TET2: variants seen among roughly 807,000 people sequenced by gnomAD.
TET2 encodes the protein methylcytosine dioxygenase TET2.
TET2 carries 299 observed loss-of-function variants against 142.9 expected under a neutral mutation model. The ratio of observed to expected loss-of-function variants is 2.09; its 90% confidence interval spans 1.90 to 2.30. TET2 has a LOEUF of 2.30. TET2 is among the 30% of genes most tolerant of loss of function. TET2 has a pLI of 0.00. For missense variants in TET2, 2,418 were observed against 2,378.0 expected, an observed-to-expected ratio of 1.02 and a Z score of -0.35; for synonymous variants, 819 against 849.0, an observed-to-expected ratio of 0.96 and a Z score of 0.61.
In TET2 at chr4:105,269,713, G is replaced by A. The variant is rs1357011805; in HGVS notation, c.4148G>A (p.Arg1383Lys). Residue 1383 changes from arginine to lysine, a missense_variant, in exon 9 of 11, where the codon AGA becomes AAA. Physicochemically the swap from Arg to Lys is conservative, Grantham distance 26. Transcript: ENST00000380013. ...ACLDFCAHAH[R>K]DLHNMQNGST... Reference sequence around the variant, plus strand: ...TTGGACTTCTGTGCTCATGCCCACAGAGACTTGCACAACATGCAGAATGGC... The same window carrying A: ...TTGGACTTCTGTGCTCATGCCCACAAAGACTTGCACAACATGCAGAATGGC... The A allele has an allele frequency of 6.4e-7, 1 of 1,551,562 alleles. No individual in the cohort carries two copies. The highest frequency in any genetic ancestry group is 8.7e-7 in the Non-Finnish European group (1 of 1,146,956).
At chr4:105,266,108 T>C (rs1259197153) in intron 8 of TET2, among the ~76,000 whole-genome samples, 1 of 152,016 alleles carries the variant, frequency 6.6e-6, no homozygotes, top group Non-Finnish European at 1.5e-5. Context: ...CAAGGCTAGG[T>C]AGGGAAAGAA....
intron 2 of TET2, among the ~76,000 whole-genome samples, chr4:105,221,170 A>C (rs1232059835): frequency 6.6e-6 from 1 of 152,120 alleles, no homozygotes; most frequent in Non-Finnish European, 1.5e-5. Context: ...CCTTCAGTAC[A>C]CACTAGTTTG....
intron 1 of TET2, chr4:105,178,029 A>T (rs1724901132): frequency 6.6e-6 from 1 of 152,264 alleles, no homozygotes; most frequent in Non-Finnish European, 1.5e-5. Context: ...CGGAGGTTGC[A>T]GTGAGCTGAG....
chr4:105,242,333 G>C, intron 4 of TET2: 1 of 1,077,942 alleles, frequency 9.3e-7, no homozygotes, highest in Non-Finnish European at 1.1e-6. Context: ...CATAAGGGAA[G>C]ATATAGTCTA....
chr4:105,252,393 T>C (rs1482258735), intron 6 of TET2, among the ~76,000 whole-genome samples: 1 of 152,232 alleles, frequency 6.6e-6, no homozygotes, highest in Non-Finnish European at 1.5e-5. Context: ...TTGTCTGGTT[T>C]ATCACAGTTG....
chr4:105,151,194 TC>T (rs1379292092), intron 1 of TET2, among the ~76,000 whole-genome samples: 35 of 151,968 alleles, frequency 2.3e-4, no homozygotes, highest in Non-Finnish European at 4.4e-5. Flanking sequence ...GGTGGTACAT[TC>T]CTGTAGTCCC....
chr4:105,236,819 G>GC lies in TET2; in HGVS notation c.2878dup (p.Gln960ProfsTer12). On this transcript the variant is annotated frameshift_variant, in exon 3 of 11. Coordinates refer to ENST00000380013, the MANE Select transcript of TET2 (RefSeq NM_001127208.3). LOFTEE classifies it high-confidence loss of function. ...CTCTAAGGTGGCATCTCTTACAGAA[G>GC]CAAGAACAGCAGCAAACACAGCAAC... The GC allele has an allele frequency of 6.2e-7, 1 of 1,614,106 alleles. No individual in the cohort carries two copies.
chr4:105,233,400 A>AAAAAAAAAAAAAC (rs1728625829), intron 2 of TET2, among the ~76,000 whole-genome samples: 1 of 150,534 alleles, frequency 6.6e-6, no homozygotes, highest in Non-Finnish European at 1.5e-5. Context: ...AAAAAAAAAA[A>AAAAAAAAAAAAAC]AGCTACTGCA....
intron 2 of TET2, among the ~76,000 whole-genome samples, chr4:105,204,427 A>T (rs1004150057): frequency 2.6e-5 from 4 of 152,188 alleles, no homozygotes; most frequent in Admixed American, 1.3e-4. Context: ...AATATTAGAC[A>T]TCATGTAATA....
At chr4:105,161,595 C>G (rs762210238) in intron 1 of TET2, among the ~76,000 whole-genome samples, 17 of 152,004 alleles carry the variant, frequency 1.1e-4, no homozygotes, top group Non-Finnish European at 1.8e-4. Flanking sequence ...TAATATTTTC[C>G]CTCTTTCTCG....
Position 105,208,900 on chromosome 4 carries a change from A to G in TET2, c.-47+18395A>G, listed in dbSNP as rs111930768. On this transcript the variant is annotated intron_variant, in intron 2 of 10. Transcript: ENST00000380013. ...AAACAATCTCAAATTCAAAGTGATAAGTGTTTTAGAGTGAAACAAGGATAA... is the reference window on the plus strand; with the variant it reads ...AAACAATCTCAAATTCAAAGTGATAGGTGTTTTAGAGTGAAACAAGGATAA... 1.2e-3 allele frequency among the ~76,000 whole-genome samples: 185 copies of G among 151,642 alleles called. 1 individual carries two copies. The highest frequency in any genetic ancestry group is 3.4e-3 in the Middle Eastern group (1 of 294).
intron 1 of TET2, among the ~76,000 whole-genome samples, chr4:105,182,042 T>G (rs1353020398): frequency 6.6e-6 from 1 of 152,198 alleles, no homozygotes; most frequent in African/African-American, 2.4e-5. Flanking sequence ...TATTGCATCT[T>G]TAAATTTTTA....
Position 105,269,599 on chromosome 4 carries a change from T to C in TET2, c.4045-11T>C. On this transcript the variant is annotated splice_polypyrimidine_tract_variant and intron_variant, in intron 8 of 10. Transcript: ENST00000380013. ...ACTACTTTCGCATTCACACACACTT[T>C]TATTTTTCAGATTGAATATGAACAC... is the stretch of plus-strand genomic sequence containing the variant. The C allele has an allele frequency of 6.4e-7, 1 of 1,551,352 alleles. No individual in the cohort carries two copies. The highest frequency in any genetic ancestry group is 8.7e-7 in the Non-Finnish European group (1 of 1,146,734).
In TET2 at chr4:105,275,391, A is replaced by G; in HGVS notation, c.4881A>G (p.Gln1627=). The G allele has an allele frequency of 6.4e-7, 1 of 1,551,638 alleles. No homozygotes were observed. The highest frequency in any genetic ancestry group is 8.7e-7 in the Non-Finnish European group (1 of 1,146,980). ...PYPGLLNQNT[Q]YPSYQCNGNL... is the part of the protein sequence containing the mutation. ...CTGGGCTTTTGAATCAGAATACCCA[A>G]TATCCATCATATCAATGCAATGGAA... is the stretch of plus-strand genomic sequence containing the variant. The change falls in exon 11 of 11, where the codon CAA becomes CAG. Residue 1627 remains glutamine, a synonymous_variant. Coordinates refer to ENST00000380013, the MANE Select transcript of TET2 (RefSeq NM_001127208.3).
chr4:105,256,420 A>G lies in TET2; in HGVS notation c.3804-3199A>G, dbSNP rs558369837. ...TTGGCAGTCTTTTTCTTGTGGTTCT[A>G]TGTCATTCTACTGCCTTCTGGTCTT... is the stretch of plus-strand genomic sequence containing the variant. On this transcript the variant is annotated intron_variant, in intron 6 of 10. Transcript: ENST00000380013. Among the ~76,000 whole-genome samples the G allele has an allele frequency of 5.8e-4, 89 of 152,182 alleles. 1 individual carries two copies. Among genetic ancestry groups the G allele is most frequent in the African/African-American group, 2.0e-3 (83 of 41,516 alleles).
chr4:105,271,155 T>C (rs1344574302), intron 9 of TET2, among the ~76,000 whole-genome samples: 1 of 152,178 alleles, frequency 6.6e-6, no homozygotes, highest in Non-Finnish European at 1.5e-5. Flanking sequence ...GTAAAAACCA[T>C]TCTTAGTTTA....
intron 8 of TET2, among the ~76,000 whole-genome samples, chr4:105,266,725 GAA>G (rs1199162024): frequency 2.0e-5 from 3 of 151,716 alleles, no homozygotes; most frequent in East Asian, 1.9e-4. Flanking sequence ...AGAAAAAACT[GAA>G]AAAAATGAAT....
intron 2 of TET2, among the ~76,000 whole-genome samples, chr4:105,213,898 C>T (rs963307714): frequency 2.6e-5 from 4 of 152,088 alleles, no homozygotes; most frequent in Admixed American, 2.0e-4. Flanking sequence ...CTCCCTCTGT[C>T]GCCCAGGGTG....
chr4:105,209,891 C>G (rs1037287304), intron 2 of TET2, among the ~76,000 whole-genome samples: 2 of 151,936 alleles, frequency 1.3e-5, no homozygotes, highest in African/African-American at 2.4e-5. Context: ...TAGGCTGTTG[C>G]GGTTATCCAG....
Sources: allele counts gnomAD v4.1 joint callset (sites outside exome capture counted in the v4.1 genomes callset), GRCh38; gene constraint gnomAD v4.1.1; transcripts MANE v1.5; gene names NCBI Gene and HGNC (gene_info 2026-07-23, HGNC 2026-07-21).